HMGB1: variants seen among roughly 807,000 people sequenced by gnomAD.
HMGB1 encodes high mobility group protein B1.
For missense variants in HMGB1, 79 were observed against 253.5 expected (o/e 0.31, Z 4.67); for synonymous variants, 81 against 84.0 (o/e 0.96, Z 0.19).
chr13:30,471,397 G>T (rs1190210146), intron 1 of HMGB1, among the ~76,000 whole-genome samples: 2 of 151,876 alleles, frequency 1.3e-5, no homozygotes, highest in Non-Finnish European at 2.9e-5. Flanking sequence ...GCCTATGCTG[G>T]AGTGCAGTGG....
chr13:30,538,428 C>T (rs1868553426), intron 1 of HMGB1, among the ~76,000 whole-genome samples: 1 of 151,302 alleles, frequency 6.6e-6, no homozygotes, highest in Non-Finnish European at 1.5e-5. Context: ...ACCCTGACAC[C>T]ACTGCAGTAA....
chr13:30,565,804 C>G (rs1268119592), intron 1 of HMGB1, among the ~76,000 whole-genome samples: 1 of 152,180 alleles, frequency 6.6e-6, no homozygotes, highest in African/African-American at 2.4e-5. Context: ...GAGGGATGAG[C>G]TGAAAAGCAG....
intron 1 of HMGB1, chr13:30,539,793 A>G (rs7992176): frequency 0.11 from 17,340 of 153,968 alleles, 1,072 homozygotes; most frequent in Middle Eastern, 0.21. Context: ...AGCTGCTGCA[A>G]CAGGAGGAAG....
chr13:30,600,323 C>A (rs1950386703), intron 1 of HMGB1, among the ~76,000 whole-genome samples: 1 of 152,186 alleles, frequency 6.6e-6, no homozygotes, highest in Non-Finnish European at 1.5e-5. Context: ...TTCTTTATTA[C>A]TGCTCCGCTA....
intron 1 of HMGB1, among the ~76,000 whole-genome samples, chr13:30,613,905 AC>A (rs148499514): frequency 1.1e-3 from 169 of 152,236 alleles, no homozygotes; most frequent in Admixed American, 2.6e-3. Context: ...GAAAAAAAAA[AC>A]ACCTAAATGT....
chr13:30,496,993 C>T (rs1887622752), intron 1 of HMGB1, among the ~76,000 whole-genome samples: 1 of 152,270 alleles, frequency 6.6e-6, no homozygotes, highest in East Asian at 1.9e-4. Flanking sequence ...TTCCTCTACA[C>T]ACGAAAGCCA....
intron 1 of HMGB1, among the ~76,000 whole-genome samples, chr13:30,581,144 T>C (rs947480160): frequency 1.1e-4 from 16 of 151,966 alleles, no homozygotes; most frequent in African/African-American, 3.9e-4. Context: ...ACCTGCCTAA[T>C]ACAAAAAGAA....
At chr13:30,575,259 T>A (rs948833858) in intron 1 of HMGB1, among the ~76,000 whole-genome samples, 97 of 152,248 alleles carry the variant, frequency 6.4e-4, no homozygotes, top group Non-Finnish European at 1.3e-4. Flanking sequence ...TTTTTAAAAT[T>A]TGAAAGTGAG....
intron 1 of HMGB1, among the ~76,000 whole-genome samples, chr13:30,471,420 T>G (rs1311685736): frequency 2.0e-5 from 3 of 152,074 alleles, no homozygotes; most frequent in Non-Finnish European, 4.4e-5. Context: ...CGATCTCGGC[T>G]CACTGCAACC....
intron 1 of HMGB1, among the ~76,000 whole-genome samples, chr13:30,563,506 A>G (rs1265453432): frequency 2.0e-5 from 3 of 152,080 alleles, no homozygotes; most frequent in East Asian, 3.8e-4. Context: ...CTCCTCAGGA[A>G]GCTGAGGTGG....
At chr13:30,573,854 A>G (rs893328822) in intron 1 of HMGB1, among the ~76,000 whole-genome samples, 1 of 152,160 alleles carries the variant, frequency 6.6e-6, no homozygotes, top group Non-Finnish European at 1.5e-5. Context: ...AGGTTTCACC[A>G]GGTTGCCGTG....
In HMGB1 at chr13:30,566,703, T is replaced by A. The variant is rs567125029; in HGVS notation, c.-15+49968A>T. Among the ~76,000 whole-genome samples, 11 of 152,332 alleles carry A rather than the reference T, an allele frequency of 7.2e-5. No individual in the cohort carries two copies. The South Asian group carries it at 2.3e-3, about 32-fold the overall frequency. On this transcript the variant is annotated intron_variant, in intron 1 of 4. Coordinates refer to the HMGB1 transcript ENST00000405805. The stretch of plus-strand genomic sequence containing the variant: ...ATTTAATTCTCATCTCTTCTTACCA[T>A]GACAATAAGAAGTTATTCTATATAA...
intron 1 of HMGB1, among the ~76,000 whole-genome samples, chr13:30,597,615 A>C (rs1871673761): frequency 6.6e-6 from 1 of 152,178 alleles, no homozygotes; most frequent in African/African-American, 2.4e-5. Context: ...AGTATACCAC[A>C]AGCCTGTCAG....
chr13:30,551,381 C>A (rs1869423002), intron 1 of HMGB1, among the ~76,000 whole-genome samples: 1 of 152,200 alleles, frequency 6.6e-6, no homozygotes, highest in Non-Finnish European at 1.5e-5. Context: ...GTCCTGTTGA[C>A]TCTTCTGCCC....
intron 1 of HMGB1, among the ~76,000 whole-genome samples, chr13:30,598,279 T>C (rs1034870447): frequency 2.0e-5 from 3 of 152,252 alleles, no homozygotes; most frequent in African/African-American, 7.2e-5. Flanking sequence ...ACAGTAGATC[T>C]GATAATGGCA....
At chr13:30,558,074 C>T (rs544274262) in intron 1 of HMGB1, among the ~76,000 whole-genome samples, 44 of 152,024 alleles carry the variant, frequency 2.9e-4, no homozygotes, top group Middle Eastern at 6.8e-3. Context: ...TTCCAAAAAC[C>T]GAGCCTATGC....
At chr13:30,541,072 G>A (rs1179252384) in intron 1 of HMGB1, 5 of 152,076 alleles carry the variant, frequency 3.3e-5, no homozygotes, top group Non-Finnish European at 7.4e-5. Context: ...AAAACTGGAC[G>A]TCATCCAAAA....
chr13:30,580,706 C>T (rs1445445163), intron 1 of HMGB1, among the ~76,000 whole-genome samples: 3 of 152,094 alleles, frequency 2.0e-5, no homozygotes, highest in Admixed American at 1.3e-4. Flanking sequence ...AGCACCATGC[C>T]TTGCACGTAA....
At chr13:30,478,350 G>T (rs995377751) in intron 1 of HMGB1, among the ~76,000 whole-genome samples, 2 of 151,930 alleles carry the variant, frequency 1.3e-5, no homozygotes, top group South Asian at 2.1e-4. Context: ...TCTCTAAAAA[G>T]AATTATTTTT....
Sources: gnomAD v4.1 joint callset for allele counts (sites outside exome capture counted in the v4.1 genomes callset) on GRCh38, gnomAD v4.1.1 for gene constraint, MANE v1.5 for transcripts, NCBI Gene and HGNC (gene_info 2026-07-23, HGNC 2026-07-21) for gene names.